The following IMMP2L variants were observed in gnomAD, a reference collection of about 807,000 sequenced individuals.
The protein encoded by IMMP2L is inner mitochondrial membrane peptidase subunit 2.
Under a neutral mutation model 19.3 loss-of-function variants are expected in IMMP2L, and 18 were observed. That is an observed-to-expected ratio of 0.93 (90% CI 0.64 to 1.38). The LOEUF is 1.38. Ranked by LOEUF, IMMP2L falls within the 40% of genes most tolerant of loss-of-function variation. The pLI, the probability that IMMP2L is intolerant of heterozygous loss-of-function variation, is 0.00. For missense variants in IMMP2L, 233 were observed against 218.2 expected, an observed-to-expected ratio of 1.07 and a Z score of -0.43; for synonymous variants, 76 against 73.0, an observed-to-expected ratio of 1.04 and a Z score of -0.21.
At position 111,123,524 on chromosome 7, in the gene IMMP2L, T is replaced by C; in HGVS notation, c.240-159959A>G. On this transcript the variant is annotated intron_variant, in intron 3 of 5. Coordinates refer to ENST00000405709, the MANE Select transcript of IMMP2L (RefSeq NM_032549.4). The surrounding 1 kb of genome is among the most constrained non-coding windows in gnomAD (Gnocchi z 6.4). The stretch of plus-strand genomic sequence containing the variant: ...TTTTACGATAACAGGCTTATTAAAG[T>C]ACCCCATGTTGCTCTTCAAAAAGTT... The C allele has an allele frequency of 3.1e-6, 5 of 1,613,912 alleles. No homozygotes were observed. Among genetic ancestry groups the C allele is most frequent in the Non-Finnish European group, 4.2e-6 (5 of 1,179,928 alleles).
intron 3 of IMMP2L, among the ~76,000 whole-genome samples, chr7:111,311,605 C>T (rs1823524515): frequency 6.6e-6 from 1 of 152,092 alleles, no homozygotes; most frequent in South Asian, 2.1e-4. Context: ...CAGAGGGATA[C>T]AGTTGCCCTC....
At chr7:111,386,813 A>C (rs999542648) in intron 3 of IMMP2L, among the ~76,000 whole-genome samples, 23 of 152,156 alleles carry the variant, frequency 1.5e-4, no homozygotes, top group African/African-American at 5.1e-4. Context: ...TGTGTTTGGC[A>C]AAAATATCTG....
intron 5 of IMMP2L, among the ~76,000 whole-genome samples, chr7:110,786,884 C>T (rs760610704): frequency 1.3e-5 from 2 of 151,950 alleles, no homozygotes; most frequent in Non-Finnish European, 2.9e-5. Flanking sequence ...AAGCCAAAAA[C>T]ATAACATAAT....
intron 1 of IMMP2L, among the ~76,000 whole-genome samples, chr7:111,537,463 T>A (rs1394637112): frequency 6.6e-6 from 1 of 151,352 alleles, no homozygotes; most frequent in African/African-American, 2.4e-5. Flanking sequence ...TAGGATAATA[T>A]CAAGCTGCTT....
rs899434043 is a variant in IMMP2L at position 110,757,319 on chromosome 7, T to C, written c.409-93598A>G. 1.7e-4 allele frequency among the ~76,000 whole-genome samples: 4 copies of C among 24,052 alleles called. No homozygotes were observed. Among genetic ancestry groups the C allele is most frequent in the Non-Finnish European group, 8.7e-4 (4 of 4,590 alleles). 15.8% of individuals were successfully genotyped at this position (24,052 alleles called of 152,430 possible). On this transcript the variant is annotated intron_variant, in intron 5 of 5. Coordinates refer to ENST00000405709, the MANE Select transcript of IMMP2L (RefSeq NM_032549.4). The surrounding 1 kb of genome is among the most constrained non-coding windows in gnomAD (Gnocchi z 4.2). Reference sequence around the variant, plus strand: ...CTCACCATCACCATCTAGAGCTTAATAATTTTTTAACAAGCTATTCTGCAT... The same window carrying C: ...CTCACCATCACCATCTAGAGCTTAACAATTTTTTAACAAGCTATTCTGCAT...
chr7:111,022,688 C>G (rs1339975815), intron 3 of IMMP2L, among the ~76,000 whole-genome samples: 1 of 152,158 alleles, frequency 6.6e-6, no homozygotes, highest in Non-Finnish European at 1.5e-5. Context: ...CAAGGATGAT[C>G]TATATCCTAT....
intron 4 of IMMP2L, among the ~76,000 whole-genome samples, chr7:110,912,713 A>C (rs1813191590): frequency 6.6e-6 from 1 of 152,096 alleles, no homozygotes; most frequent in Non-Finnish European, 1.5e-5. Context: ...GAAAGCAAAC[A>C]CAAAGTTTGA....
intron 3 of IMMP2L, among the ~76,000 whole-genome samples, chr7:111,318,634 A>T (rs550767000): frequency 6.6e-6 from 1 of 152,242 alleles, no homozygotes; most frequent in African/African-American, 2.4e-5. Flanking sequence ...GTGCAATGGC[A>T]AACTTGTAAG....
At chr7:110,856,999 GTCAATGTGT>G (rs1252894304) in intron 5 of IMMP2L, among the ~76,000 whole-genome samples, 1 of 152,034 alleles carries the variant, frequency 6.6e-6, no homozygotes, top group Non-Finnish European at 1.5e-5. Flanking sequence ...CATGTAACAG[GTCAATGTGT>G]TCAATTGTCT....
intron 3 of IMMP2L, among the ~76,000 whole-genome samples, chr7:111,440,805 C>T (rs990887929): frequency 2.0e-5 from 3 of 151,866 alleles, no homozygotes; most frequent in Non-Finnish European, 2.9e-5. Flanking sequence ...AAAGCTGTTT[C>T]GTCTAGCTTA....
intron 3 of IMMP2L, among the ~76,000 whole-genome samples, chr7:111,147,556 C>A (rs2129601430): frequency 6.6e-6 from 1 of 152,180 alleles, no homozygotes; most frequent in East Asian, 1.9e-4. Context: ...CACTTTAGTG[C>A]ACTCTTCTCT....
At chr7:111,414,486 A>G (rs1270182194) in intron 3 of IMMP2L, among the ~76,000 whole-genome samples, 1 of 151,906 alleles carries the variant, frequency 6.6e-6, no homozygotes, top group East Asian at 1.9e-4. Context: ...ATAAACAGTA[A>G]AAAGAACAGT....
At chr7:111,113,028 GA>G (rs1799428324) in intron 3 of IMMP2L, among the ~76,000 whole-genome samples, 1 of 152,100 alleles carries the variant, frequency 6.6e-6, no homozygotes, top group Non-Finnish European at 1.5e-5. Context: ...TAATAGCAAT[GA>G]GAACCATATT....
chr7:111,143,349 G>C (rs1420511164), intron 3 of IMMP2L, among the ~76,000 whole-genome samples: 1 of 152,052 alleles, frequency 6.6e-6, no homozygotes, highest in Non-Finnish European at 1.5e-5. Flanking sequence ...AAATAAGCGA[G>C]GTAAACACTC....
intron 3 of IMMP2L, among the ~76,000 whole-genome samples, chr7:110,983,891 G>C (rs1821568528): frequency 1.3e-5 from 2 of 151,858 alleles, no homozygotes; most frequent in African/African-American, 4.8e-5. Context: ...CATCTTCCTA[G>C]TTCATGATCA....
chr7:111,043,939 T>C (rs1792135280), intron 3 of IMMP2L, among the ~76,000 whole-genome samples: 1 of 152,190 alleles, frequency 6.6e-6, no homozygotes, highest in Admixed American at 6.5e-5. Context: ...GATAGGGGTA[T>C]GTAAGAATGT....
At chr7:111,287,627 C>T (rs1172769656) in intron 3 of IMMP2L, among the ~76,000 whole-genome samples, 10 of 151,960 alleles carry the variant, frequency 6.6e-5, no homozygotes, top group African/African-American at 9.7e-5. Flanking sequence ...AAAATGGCTA[C>T]GTCGGCTTGC....
intron 5 of IMMP2L, among the ~76,000 whole-genome samples, chr7:110,672,832 T>G (rs892202313): frequency 6.6e-6 from 1 of 152,196 alleles, no homozygotes; most frequent in Non-Finnish European, 1.5e-5. Flanking sequence ...GCTCCGTCCC[T>G]GTGGCTTTGC....
chr7:111,536,000 AAG>A (rs1847854705), intron 1 of IMMP2L, among the ~76,000 whole-genome samples: 1 of 152,128 alleles, frequency 6.6e-6, no homozygotes, highest in African/African-American at 2.4e-5. Context: ...TTTGGCCACT[AAG>A]AAGTGCTTAG....
Sources: gnomAD v4.1 joint callset for allele counts (sites outside exome capture counted in the v4.1 genomes callset) on GRCh38, gnomAD v4.1.1 for gene constraint, Gnocchi (gnomAD v3.1) non-coding constraint, MANE v1.5 for transcripts, NCBI Gene and HGNC (gene_info 2026-07-23, HGNC 2026-07-21) for gene names.